Variants in CHDH observed in about 807,000 individuals in gnomAD.
The protein encoded by CHDH is choline dehydrogenase.
In CHDH, 43 loss-of-function variants were observed where a neutral mutation model predicts 56.9. The ratio of observed to expected loss-of-function variants is 0.76; its 90% CI spans 0.59 to 0.97. The LOEUF (loss-of-function observed/expected upper bound fraction) is 0.97, where lower values mean the gene tolerates loss of function less well. CHDH is among the 50% of genes least tolerant of loss of function. CHDH has a pLI of 0.00. For synonymous variants in CHDH, 364 were observed against 348.5 expected (o/e 1.04, Z -0.50); for missense variants, 816 against 821.1 (o/e 0.99, Z 0.08).
chr3:53,824,783 G>A (rs568119523), intron 2 of CHDH, among the ~76,000 whole-genome samples: 38 of 152,332 alleles, frequency 2.5e-4, no homozygotes, highest in African/African-American at 8.2e-4. Flanking sequence ...ATAGTGCACA[G>A]AGGTAGAAAA....
At chr3:53,840,146 G>C (rs952569593) in intron 2 of CHDH, among the ~76,000 whole-genome samples, 1 of 152,176 alleles carries the variant, frequency 6.6e-6, no homozygotes, top group African/African-American at 2.4e-5. Flanking sequence ...ATGAGATCTA[G>C]TATTTGACAG....
At chr3:53,843,820 T>G (rs946751974) in intron 1 of CHDH, among the ~76,000 whole-genome samples, 10 of 152,244 alleles carry the variant, frequency 6.6e-5, no homozygotes, top group South Asian at 4.1e-4. Flanking sequence ...TCATCGCCCC[T>G]ATCACCACCC....
intron 1 of CHDH, among the ~76,000 whole-genome samples, chr3:53,845,118 G>C (rs2106993297): frequency 6.6e-6 from 1 of 152,354 alleles, no homozygotes; most frequent in Admixed American, 6.5e-5. Context: ...TGGAATGAGG[G>C]GCTCAGGGTG....
chr3:53,827,795 C>T (rs2095641615), intron 2 of CHDH, among the ~76,000 whole-genome samples: 1 of 152,196 alleles, frequency 6.6e-6, no homozygotes, highest in Non-Finnish European at 1.5e-5. Flanking sequence ...TCAATATTGT[C>T]AAGATGTCAG....
At chr3:53,843,177 TCC>T (rs1174010295) in intron 1 of CHDH, among the ~76,000 whole-genome samples, 10 of 78,650 alleles carry the variant, frequency 1.3e-4, no homozygotes, top group Middle Eastern at 8.2e-3. Flanking sequence ...CTAGGGAATT[TCC>T]CCCCCCACCT....
Position 53,815,833 on chromosome 3 carries a change from T to A in CHDH, c.*1944A>T, listed in dbSNP as rs1018696651. The A allele has an allele frequency of 2.0e-5, 3 of 152,270 alleles. No individual in the cohort carries two copies. Among genetic ancestry groups the A allele is most frequent in the Admixed American group, 2.0e-4 (3 of 15,274 alleles). The allele number at this position is 152,270 out of a possible 1,614,324, so 9.4% of individuals were successfully genotyped here. A position where few individuals can be genotyped will look rare whatever the true frequency, so the allele number is the denominator to read the frequency against. On this transcript the variant is annotated 3_prime_UTR_variant, in exon 9 of 9. Coordinates refer to ENST00000315251, the MANE Select transcript of CHDH (RefSeq NM_018397.5). ...GGAAAGCTGCACGAGGCCCTCCAAG[T>A]TACGGGGCTGGCACCTGAACTCCTG... is the stretch of plus-strand genomic sequence containing the variant.
intron 2 of CHDH, among the ~76,000 whole-genome samples, chr3:53,827,302 T>C (rs184529870): frequency 3.3e-5 from 5 of 152,292 alleles, no homozygotes; most frequent in Admixed American, 2.0e-4. Flanking sequence ...GCTCCAGCCA[T>C]GTAAGACATG....
chr3:53,812,843 G>C lies in CHDH; in HGVS notation c.*4934C>G, dbSNP rs752765298. Reference sequence around the variant, plus strand: ...TGGAGTGTCGGGGTCTGTACAAATCGTATTGTTGCCTTTTACAAAACTGCT... The same window carrying C: ...TGGAGTGTCGGGGTCTGTACAAATCCTATTGTTGCCTTTTACAAAACTGCT... On this transcript the variant is annotated 3_prime_UTR_variant, in exon 9 of 9. Transcript: ENST00000315251. The C allele has an allele frequency of 6.6e-6, 1 of 152,180 alleles. No homozygotes were observed. The highest frequency in any genetic ancestry group is 1.5e-5 in the Non-Finnish European group (1 of 68,036). 9.4% of individuals were successfully genotyped at this position (152,180 alleles called of 1,614,324 possible).
rs1411499594 is a variant in CHDH at position 53,839,687 on chromosome 3, A to G, written c.-60+1242T>C. On this transcript the variant is annotated intron_variant, in intron 2 of 8. Coordinates refer to ENST00000315251, the MANE Select transcript of CHDH (RefSeq NM_018397.5). ...AACACTAAAAATAGAAATATCATAT[A>G]ATCCAACAATCCCACTACTGGGCTG... 2.0e-5 allele frequency among the ~76,000 whole-genome samples: 3 copies of G among 152,250 alleles called. No homozygotes were observed. In the East Asian group the frequency reaches 5.8e-4, roughly 29 times the overall value.
At chr3:53,828,687 C>T (rs1698234438) in intron 2 of CHDH, among the ~76,000 whole-genome samples, 1 of 152,154 alleles carries the variant, frequency 6.6e-6, no homozygotes, top group African/African-American at 2.4e-5. Flanking sequence ...CAAATTAAAA[C>T]AAGAGTGAGA....
Position 53,819,752 on chromosome 3 carries a change from T to G in CHDH, c.1121-78A>C. 6.9e-7 allele frequency: 1 copy of G among 1,452,586 alleles called. No individual in the cohort carries two copies. The highest frequency in any genetic ancestry group is 1.9e-4 in the Middle Eastern group (1 of 5,382). 90.0% of individuals were successfully genotyped at this position (1,452,586 alleles called of 1,614,324 possible). The stretch of plus-strand genomic sequence containing the variant: ...GGCCGGCTGCTCCTGGTTTCCCTCC[T>G]TTCTCCTGGCCGCTCCTCTTCCTTT... On this transcript the variant is annotated intron_variant, in intron 6 of 8. Coordinates refer to ENST00000315251, the MANE Select transcript of CHDH (RefSeq NM_018397.5). The surrounding 1 kb of genome is among the most constrained non-coding windows in gnomAD (Gnocchi z 5.4).
chr3:53,827,100 G>A (rs564991387), intron 2 of CHDH, among the ~76,000 whole-genome samples: 218 of 152,220 alleles, frequency 1.4e-3, no homozygotes, highest in Middle Eastern at 6.8e-3. Context: ...GGGCAACATA[G>A]AAATACCCCA....
At chr3:53,826,538 T>G (rs902540416) in intron 2 of CHDH, among the ~76,000 whole-genome samples, 1 of 152,112 alleles carries the variant, frequency 6.6e-6, no homozygotes, top group African/African-American at 2.4e-5. Flanking sequence ...GAAAAAGCAT[T>G]TGACAAAATT....
At chr3:53,843,679 A>G (rs1272321101) in intron 1 of CHDH, among the ~76,000 whole-genome samples, 1 of 151,886 alleles carries the variant, frequency 6.6e-6, no homozygotes, top group Non-Finnish European at 1.5e-5. Context: ...CACCCCCTAC[A>G]AAGCCCCCCC....
intron 2 of CHDH, among the ~76,000 whole-genome samples, chr3:53,824,627 T>G (rs1218277793): frequency 6.6e-6 from 1 of 152,130 alleles, no homozygotes; most frequent in Non-Finnish European, 1.5e-5. Context: ...CGAGGGGCCA[T>G]GGGGAGCACT....
chr3:53,819,670 C>T lies in CHDH; in HGVS notation c.1125G>A (p.Glu375=). The T allele has an allele frequency of 1.2e-6, 2 of 1,600,118 alleles. No homozygotes were observed. The highest frequency in any genetic ancestry group is 1.7e-6 in the Non-Finnish European group (2 of 1,172,804). ...GLEWLWKFTG[E]GATAHLETGG... Reference sequence around the variant, plus strand: ...CTGTTTCCAGATGGGCAGTGGCTCCCTCCCCTGAGAAGCAGAAGAGGATGA... The same window carrying T: ...CTGTTTCCAGATGGGCAGTGGCTCCTTCCCCTGAGAAGCAGAAGAGGATGA... The change falls in exon 7 of 9, where the codon GAG becomes GAA. Residue 375 remains glutamate, a synonymous_variant. Coordinates refer to ENST00000315251, the MANE Select transcript of CHDH (RefSeq NM_018397.5). This position sits in a 1 kb window ranked among gnomAD's most constrained non-coding sequence, Gnocchi z 5.4.
intron 2 of CHDH, among the ~76,000 whole-genome samples, chr3:53,835,479 C>G (rs1698467193): frequency 6.6e-6 from 1 of 152,134 alleles, no homozygotes; most frequent in Non-Finnish European, 1.5e-5. Context: ...TTTGGGGAAA[C>G]TGCAAAACAT....
rs1698878233 is a variant in CHDH, at chr3:53,846,207, C to T, written c.-255G>A. On this transcript the variant is annotated 5_prime_UTR_variant, in exon 1 of 9. Coordinates refer to ENST00000315251, the MANE Select transcript of CHDH (RefSeq NM_018397.5). Reference sequence around the variant, plus strand: ...CCGGCGCCCCGCGCGCTCTCTGCGTCCGGAATGGGGACGCAGCAGTTCCGA... The same window carrying T: ...CCGGCGCCCCGCGCGCTCTCTGCGTTCGGAATGGGGACGCAGCAGTTCCGA... 1 of 190,954 alleles carries T rather than the reference C, an allele frequency of 5.2e-6. No homozygotes were observed. Among genetic ancestry groups the T allele is most frequent in the Admixed American group, 6.1e-5 (1 of 16,336 alleles). The allele number at this position is 190,954 out of a possible 1,614,324, so 11.8% of individuals were successfully genotyped here.
chr3:53,821,168 A>AAGAG (rs1323735259), intron 5 of CHDH, among the ~76,000 whole-genome samples: 1 of 152,396 alleles, frequency 6.6e-6, no homozygotes, highest in East Asian at 1.9e-4. Context: ...CAAGGAGGGC[A>AAGAG]AGAGACAGAG....
Sources: gnomAD v4.1 joint callset for allele counts (sites outside exome capture counted in the v4.1 genomes callset) on GRCh38, gnomAD v4.1.1 for gene constraint, Gnocchi (gnomAD v3.1) non-coding constraint, MANE v1.5 for transcripts, NCBI Gene and HGNC (gene_info 2026-07-23, HGNC 2026-07-21) for gene names.